TUT4: variants seen among roughly 807,000 people sequenced by gnomAD.
The protein encoded by TUT4 is terminal uridylyltransferase 4.
In TUT4, 36 loss-of-function variants were observed where a neutral mutation model predicts 192.2. The observed-to-expected ratio is 0.19, with a 90% confidence interval of 0.14 to 0.25. The LOEUF is 0.25. Ranked by LOEUF, TUT4 falls within the 10% of genes least tolerant of loss-of-function variation. The pLI is 1.00. For synonymous variants in TUT4, 618 were observed against 666.0 expected, an observed-to-expected ratio of 0.93 and a Z score of 1.11; for missense variants, 1,493 against 1,957.2, an observed-to-expected ratio of 0.76 and a Z score of 4.47.
At chr1:52,468,894 CT>C (rs1664926053) in intron 14 of TUT4, among the ~76,000 whole-genome samples, 1 of 152,008 alleles carries the variant, frequency 6.6e-6, no homozygotes, top group African/African-American at 2.4e-5. Context: ...CTTTTTTTCC[CT>C]ATCTCTTCCA....
At chr1:52,486,682 CAT>C (rs1669870195) in intron 9 of TUT4, among the ~76,000 whole-genome samples, 1 of 152,108 alleles carries the variant, frequency 6.6e-6, no homozygotes, top group Non-Finnish European at 1.5e-5. Context: ...AAAAACGAGA[CAT>C]GTTATTCTGT....
chr1:52,463,352 A>G (rs1663145379), intron 16 of TUT4: 8 of 996,262 alleles, frequency 8.0e-6, no homozygotes, highest in Non-Finnish European at 9.6e-6. Flanking sequence ...GTAAAGGAGA[A>G]CAAATAAAAT....
At chr1:52,455,372 T>G (rs566168212) in intron 20 of TUT4, among the ~76,000 whole-genome samples, 16 of 151,742 alleles carry the variant, frequency 1.1e-4, no homozygotes, top group African/African-American at 3.1e-4. Flanking sequence ...CTCAACACTT[T>G]GAGAGGCCGA....
rs190401713 is a variant in TUT4, at chr1:52,541,493, T to C, written c.-94+11438A>G. Among the ~76,000 whole-genome samples, 9 of 150,696 alleles carry C rather than the reference T, an allele frequency of 6.0e-5. No homozygotes were observed. The East Asian group carries it at 1.8e-3, about 30-fold the overall frequency. On this transcript the variant is annotated intron_variant, in intron 1 of 29. Coordinates refer to ENST00000257177, the MANE Select transcript of TUT4 (RefSeq NM_001009881.3). ...GTTGCAGTGAGCCAAGATCGCGCCA[T>C]TGCGCTCCAGCCTGGGTGACAGAGC...
intron 9 of TUT4, among the ~76,000 whole-genome samples, chr1:52,483,983 AAT>A (rs1373130317): frequency 6.6e-6 from 1 of 152,038 alleles, no homozygotes; most frequent in Non-Finnish European, 1.5e-5. Flanking sequence ...CGTCTCTAAA[AAT>A]ATATATAATT....
chr1:52,472,135 A>C (rs1294443224), intron 13 of TUT4, 33 bp from the exon 14 acceptor site: 1 of 1,600,690 alleles, frequency 6.2e-7, no homozygotes, highest in Non-Finnish European at 8.5e-7. Context: ...CTAATCTAAT[A>C]AACTTTTGAG....
intron 8 of TUT4, among the ~76,000 whole-genome samples, chr1:52,489,268 A>G (rs1670556084): frequency 2.0e-5 from 3 of 152,240 alleles, no homozygotes; most frequent in Admixed American, 2.0e-4. Context: ...TTTGTACTTC[A>G]GAAATAAATT....
intron 4 of TUT4, 128 bp from the exon 5 acceptor site, chr1:52,497,311 C>T (rs143800245): frequency 8.5e-5 from 80 of 937,672 alleles, no homozygotes; most frequent in Non-Finnish European, 1.2e-4. Context: ...CTACCAGATA[C>T]CTACAATACG....
intron 1 of TUT4, among the ~76,000 whole-genome samples, chr1:52,539,921 A>C (rs1365683491): frequency 2.0e-5 from 3 of 148,860 alleles, no homozygotes; most frequent in Admixed American, 6.7e-5. Flanking sequence ...AAAAAAAAAC[A>C]AAAAAAACAG....
intron 4 of TUT4, among the ~76,000 whole-genome samples, chr1:52,498,336 G>A (rs577464046): frequency 1.3e-4 from 18 of 142,894 alleles, no homozygotes; most frequent in Non-Finnish European, 1.8e-4. Flanking sequence ...CCGCCCCCCC[G>A]GGGTTCACGC....
intron 1 of TUT4, among the ~76,000 whole-genome samples, chr1:52,544,053 C>T (rs1687418217): frequency 6.6e-6 from 1 of 151,828 alleles, no homozygotes; most frequent in African/African-American, 2.4e-5. Context: ...CTTCGGGAGG[C>T]CGAGGCAGGC....
At chr1:52,473,697 C>T (rs1367566013) in intron 13 of TUT4, among the ~76,000 whole-genome samples, 2 of 151,680 alleles carry the variant, frequency 1.3e-5, no homozygotes, top group Non-Finnish European at 2.9e-5. Flanking sequence ...GATGACTTTC[C>T]TTTTGTTTTT....
intron 28 of TUT4, among the ~76,000 whole-genome samples, chr1:52,429,896 G>C (rs1193050359): frequency 6.6e-6 from 1 of 151,960 alleles, no homozygotes; most frequent in Non-Finnish European, 1.5e-5. Context: ...GCCGGCCTGT[G>C]TATGTTTAAG....
At chr1:52,522,798 C>T (rs1296147815) in intron 2 of TUT4, among the ~76,000 whole-genome samples, 2 of 151,616 alleles carry the variant, frequency 1.3e-5, no homozygotes, top group South Asian at 2.1e-4. Context: ...TGGTGGCAGG[C>T]GCCTACAGTC....
chr1:52,528,881 AT>A (rs909308252), intron 1 of TUT4, among the ~76,000 whole-genome samples: 1 of 151,018 alleles, frequency 6.6e-6, no homozygotes, highest in Non-Finnish European at 1.5e-5. Flanking sequence ...CACCTGGCTA[AT>A]TTTTTTTTGT....
intron 24 of TUT4, among the ~76,000 whole-genome samples, chr1:52,444,906 T>C (rs12085392): frequency 2.2e-4 from 29 of 131,982 alleles, no homozygotes; most frequent in Admixed American, 4.2e-4. Flanking sequence ...TGTATATATA[T>C]ATGTATATAC....
intron 24 of TUT4, among the ~76,000 whole-genome samples, chr1:52,442,554 A>T (rs752500485): frequency 6.6e-6 from 1 of 152,156 alleles, no homozygotes; most frequent in Non-Finnish European, 1.5e-5. Flanking sequence ...CTTGCATTAC[A>T]TTTATACCAG....
chr1:52,451,050 G>A (rs1309042985), intron 20 of TUT4, among the ~76,000 whole-genome samples: 1 of 152,154 alleles, frequency 6.6e-6, no homozygotes, highest in Admixed American at 6.5e-5. Context: ...CGGGTCACAA[G>A]GTCAGGAGAT....
chr1:52,455,357 G>A (rs527388478), intron 20 of TUT4, among the ~76,000 whole-genome samples: 46 of 152,012 alleles, frequency 3.0e-4, no homozygotes, highest in Non-Finnish European at 6.2e-4. Flanking sequence ...GCCATTAAAA[G>A]TAATCTCAAC....
Sources: allele counts gnomAD v4.1 joint callset (sites outside exome capture counted in the v4.1 genomes callset), GRCh38; gene constraint gnomAD v4.1.1; transcripts MANE v1.5; gene names NCBI Gene and HGNC (gene_info 2026-07-23, HGNC 2026-07-21).